Variants in CLVS1 observed in about 807,000 individuals in gnomAD.
CLVS1 encodes the protein clavesin-1.
A neutral mutation model predicts 33.1 loss-of-function variants in CLVS1; 10 were observed. The ratio of observed to expected loss-of-function variants is 0.30; its 90% CI spans 0.19 to 0.51. The LOEUF (loss-of-function observed/expected upper bound fraction) is 0.51, where lower values mean the gene tolerates loss of function less well. CLVS1 is among the 20% of genes least tolerant of loss of function. The pLI, the probability that CLVS1 is intolerant of heterozygous loss-of-function variation, is 0.97. For missense variants in CLVS1, 343 were observed against 433.4 expected (o/e 0.79, Z 1.85); for synonymous variants, 163 against 166.1 (o/e 0.98, Z 0.14).
intron 3 of CLVS1, among the ~76,000 whole-genome samples, chr8:61,432,725 T>A (rs1375725354): frequency 6.6e-6 from 1 of 152,202 alleles, no homozygotes; most frequent in Non-Finnish European, 1.5e-5. Flanking sequence ...AAAAATCTTA[T>A]ACTTGACTCA....
chr8:61,040,394 C>A, the CLVS1 span, among the ~76,000 whole-genome samples: 1 of 152,196 alleles, frequency 6.6e-6, no homozygotes, highest in African/African-American at 2.4e-5. Flanking sequence ...GTTTTTAGTT[C>A]TTTGAGAAAT....
intron 2 of CLVS1, among the ~76,000 whole-genome samples, chr8:61,307,599 G>T (rs1272825108): frequency 6.6e-6 from 1 of 151,938 alleles, no homozygotes; most frequent in Non-Finnish European, 1.5e-5. Flanking sequence ...AACCCACAAT[G>T]CAAAAAAATT....
chr8:61,121,837 A>G (rs1286508696), intron 1 of CLVS1, among the ~76,000 whole-genome samples: 1 of 152,218 alleles, frequency 6.6e-6, no homozygotes, highest in Non-Finnish European at 1.5e-5. Context: ...CAGAATAGAA[A>G]TTCTCGAAAG....
chr8:61,019,796 G>C, the CLVS1 span, among the ~76,000 whole-genome samples: 1 of 151,984 alleles, frequency 6.6e-6, no homozygotes. Context: ...TCCTGCAATT[G>C]TACCTTCCAA....
Position 61,423,708 on chromosome 8 carries a change from A to G in CLVS1, c.631-30433A>G, listed in dbSNP as rs73685005. On this transcript the variant is annotated intron_variant, in intron 3 of 5. Coordinates refer to ENST00000325897, the MANE Select transcript of CLVS1 (RefSeq NM_173519.3). ...GTGCTCCAAATTCTACAAAATGGGC[A>G]TATGGGTACTGCCCACATAGATTTT... Among the ~76,000 whole-genome samples, 1,156 of 152,338 alleles carry G rather than the reference A, an allele frequency of 7.6e-3. 18 individuals carry two copies. The highest frequency in any genetic ancestry group is 0.027 in the African/African-American group (1,110 of 41,560).
intron 3 of CLVS1, among the ~76,000 whole-genome samples, chr8:61,399,749 A>C (rs984754960): frequency 6.6e-6 from 1 of 152,216 alleles, no homozygotes; most frequent in African/African-American, 2.4e-5. Context: ...CATTTTCTGC[A>C]TATGGCTAGC....
intron 3 of CLVS1, among the ~76,000 whole-genome samples, chr8:61,450,378 T>C (rs1816909485): frequency 6.6e-6 from 1 of 152,132 alleles, no homozygotes; most frequent in Admixed American, 6.6e-5. Flanking sequence ...CAACTTTACA[T>C]AAAATGAAAT....
At chr8:61,097,187 C>T (rs1184610055) in intron 1 of CLVS1, among the ~76,000 whole-genome samples, 3 of 144,334 alleles carry the variant, frequency 2.1e-5, no homozygotes, top group Non-Finnish European at 4.5e-5. Flanking sequence ...TAGGGAGATC[C>T]CACCTCTATT....
At chr8:61,362,176 T>G (rs955188767) in intron 2 of CLVS1, among the ~76,000 whole-genome samples, 1 of 152,290 alleles carries the variant, frequency 6.6e-6, no homozygotes, top group Middle Eastern at 3.4e-3. Context: ...TGGGAGTCAT[T>G]GTCAATACTC....
At chr8:61,194,111 A>C (rs189243211) in intron 2 of CLVS1, among the ~76,000 whole-genome samples, 1 of 152,034 alleles carries the variant, frequency 6.6e-6, no homozygotes, top group Admixed American at 6.6e-5. Flanking sequence ...ATGAAAATAC[A>C]TGTTTGATTC....
At chr8:61,406,790 G>A (rs139708030) in intron 3 of CLVS1, among the ~76,000 whole-genome samples, 1,633 of 152,206 alleles carry the variant, frequency 0.011, 11 homozygotes, top group South Asian at 0.019. Context: ...TGTATTTTTA[G>A]TAGAGATGGG....
chr8:61,259,794 G>T (rs556915581), intron 2 of CLVS1, among the ~76,000 whole-genome samples: 9 of 152,222 alleles, frequency 5.9e-5, no homozygotes, highest in Non-Finnish European at 1.5e-5. Flanking sequence ...AAGAGCAGAC[G>T]CGGAGCAGGA....
chr8:61,277,004 C>T (rs1809571863), intron 2 of CLVS1, among the ~76,000 whole-genome samples: 1 of 152,194 alleles, frequency 6.6e-6, no homozygotes, highest in East Asian at 1.9e-4. Flanking sequence ...TTTAGGAGAG[C>T]TGTTGCTCCT....
chr8:61,259,342 C>G (rs1291851275), intron 2 of CLVS1, among the ~76,000 whole-genome samples: 1 of 152,122 alleles, frequency 6.6e-6, no homozygotes, highest in Non-Finnish European at 1.5e-5. Context: ...ATGGTACATT[C>G]ACTCGTATAT....
At chr8:61,243,562 G>A (rs971888589) in intron 2 of CLVS1, among the ~76,000 whole-genome samples, 1 of 152,202 alleles carries the variant, frequency 6.6e-6, no homozygotes, top group African/African-American at 2.4e-5. Flanking sequence ...CCAGAAACAT[G>A]AGTAACTTCT....
chr8:61,389,989 T>C (rs879326188), intron 3 of CLVS1, among the ~76,000 whole-genome samples: 24 of 152,190 alleles, frequency 1.6e-4, no homozygotes, highest in Admixed American at 5.2e-4. Context: ...AGGTTTGCCT[T>C]TTAGATTTCC....
upstream of CLVS1, among the ~76,000 whole-genome samples, chr8:61,055,653 G>A (rs778631514): frequency 8.5e-5 from 13 of 152,218 alleles, no homozygotes; most frequent in Non-Finnish European, 1.8e-4. Flanking sequence ...CGTAGAAGCA[G>A]ACAGGCCTTC....
intron 2 of CLVS1, among the ~76,000 whole-genome samples, chr8:61,352,280 A>G (rs953122701): frequency 6.6e-6 from 1 of 152,010 alleles, no homozygotes; most frequent in South Asian, 2.1e-4. Flanking sequence ...ACCCAAAAAC[A>G]CTCTAAATAA....
the CLVS1 span, among the ~76,000 whole-genome samples, chr8:61,021,351 G>GT: frequency 6.6e-6 from 1 of 151,978 alleles, no homozygotes; most frequent in Non-Finnish European, 1.5e-5. Flanking sequence ...TGTTTTGTTT[G>GT]TTTGTTTGTT....
Sources: gnomAD v4.1 joint callset for allele counts (sites outside exome capture counted in the v4.1 genomes callset) on GRCh38, gnomAD v4.1.1 for gene constraint, MANE v1.5 for transcripts, NCBI Gene and HGNC (gene_info 2026-07-23, HGNC 2026-07-21) for gene names.